The following RANBP17 variants were observed in gnomAD, a reference collection of about 807,000 sequenced individuals.
RANBP17 encodes ran-binding protein 17.
Under a neutral mutation model 141.2 loss-of-function variants are expected in RANBP17, and 158 were observed. The ratio of observed to expected loss-of-function variants is 1.12; its 90% CI spans 0.98 to 1.28. The LOEUF is 1.28. Ranked by LOEUF, RANBP17 falls within the 50% of genes most tolerant of loss-of-function variation. RANBP17 has a pLI of 0.00. For missense variants in RANBP17, 1,438 were observed against 1,290.7 expected (o/e 1.11, Z -1.75); for synonymous variants, 430 against 450.0 (o/e 0.96, Z 0.56).
chr5:171,231,850 A>G (rs1304793853), intron 22 of RANBP17, among the ~76,000 whole-genome samples: 3 of 152,228 alleles, frequency 2.0e-5, no homozygotes, highest in East Asian at 1.9e-4. Context: ...CTAATGATAG[A>G]GGACAGCTAA....
intron 14 of RANBP17, among the ~76,000 whole-genome samples, chr5:171,089,030 A>G (rs1352442693): frequency 6.6e-6 from 1 of 151,770 alleles, no homozygotes; most frequent in Non-Finnish European, 1.5e-5. Flanking sequence ...TTGGAGGAGG[A>G]GAGGTGCTCT....
intron 13 of RANBP17, among the ~76,000 whole-genome samples, chr5:170,964,575 G>C (rs1397423413): frequency 6.6e-6 from 1 of 152,066 alleles, no homozygotes; most frequent in Non-Finnish European, 1.5e-5. Context: ...AGTCCACAGA[G>C]TGTGATGTTC....
At chr5:171,176,554 A>C (rs1392105582) in intron 16 of RANBP17, among the ~76,000 whole-genome samples, 1 of 152,052 alleles carries the variant, frequency 6.6e-6, no homozygotes, top group Non-Finnish European at 1.5e-5. Flanking sequence ...CTGATTGCAA[A>C]CTTCCTTTTC....
chr5:171,051,171 T>G (rs951388975), intron 14 of RANBP17, among the ~76,000 whole-genome samples: 1 of 151,444 alleles, frequency 6.6e-6, no homozygotes, highest in Non-Finnish European at 1.5e-5. Context: ...TTTCTTTGTG[T>G]TTATCTTTCA....
chr5:171,082,477 A>G (rs1047880243), intron 14 of RANBP17, among the ~76,000 whole-genome samples: 4 of 152,150 alleles, frequency 2.6e-5, no homozygotes, highest in Non-Finnish European at 4.4e-5. Flanking sequence ...CAGAAGCTAT[A>G]ATCAATGTAT....
intron 14 of RANBP17, among the ~76,000 whole-genome samples, chr5:171,082,148 C>T (rs569695096): frequency 3.9e-5 from 6 of 152,194 alleles, no homozygotes; most frequent in African/African-American, 1.4e-4. Flanking sequence ...TTTGAATTGG[C>T]AATACTGTGT....
At chr5:171,254,109 T>A (rs1198324257) in intron 24 of RANBP17, among the ~76,000 whole-genome samples, 1 of 151,906 alleles carries the variant, frequency 6.6e-6, no homozygotes, top group African/African-American at 2.4e-5. Flanking sequence ...TAGCCGGGTG[T>A]GGTGGCATGC....
At chr5:170,881,263 G>C (rs1281247543) in intron 2 of RANBP17, among the ~76,000 whole-genome samples, 12 of 152,290 alleles carry the variant, frequency 7.9e-5, no homozygotes, top group Admixed American at 4.6e-4. Flanking sequence ...ATTTCTAGGA[G>C]GTGGAGTGAA....
At position 170,911,075 on chromosome 5, in the gene RANBP17, C is replaced by G. The variant is rs145328346; in HGVS notation, c.701C>G (p.Ser234Ter). The G allele has an allele frequency of 2.0e-5, 32 of 1,611,854 alleles. No individual in the cohort carries two copies. The highest frequency in any genetic ancestry group is 6.7e-5 in the African/African-American group (5 of 74,762). The stretch of plus-strand genomic sequence containing the variant: ...CTTAACTTTGACTTCATTGGCAGTT[C>G]AGCAGATGAATCTGCAGATGATCTT... Reference protein sequence around the residue: ...NCLNFDFIGSSADESADDLCT... With the variant: ...NCLNFDFIGS Residue 234 changes from serine (S) to a stop codon, truncating the protein, a stop_gained, in exon 7 of 28, where the codon TCA becomes TGA. Transcript: ENST00000523189. LOFTEE classifies it high-confidence loss of function.
chr5:170,930,055 C>T (rs1773221817), intron 12 of RANBP17, among the ~76,000 whole-genome samples: 1 of 151,908 alleles, frequency 6.6e-6, no homozygotes, highest in East Asian at 1.9e-4. Context: ...TTCTTTTGTT[C>T]TGAGTGACCC....
At chr5:171,108,664 T>C (rs763668539) in intron 14 of RANBP17, among the ~76,000 whole-genome samples, 40 of 152,236 alleles carry the variant, frequency 2.6e-4, no homozygotes, top group Non-Finnish European at 4.4e-4. Context: ...CACCCACCTC[T>C]GCTTCCAAAA....
intron 14 of RANBP17, among the ~76,000 whole-genome samples, chr5:171,060,949 G>A (rs1412212734): frequency 1.8e-4 from 14 of 79,036 alleles, no homozygotes; most frequent in South Asian, 1.1e-3. Context: ...GTTTATTTGC[G>A]TAGAGGTGTT....
At chr5:171,295,392 G>A (rs1311257110) in intron 26 of RANBP17, among the ~76,000 whole-genome samples, 1 of 152,044 alleles carries the variant, frequency 6.6e-6, no homozygotes, top group African/African-American at 2.4e-5. Flanking sequence ...TAACCCCCAA[G>A]GACAGAGACT....
At chr5:170,955,119 AC>A (rs1346962335) in intron 13 of RANBP17, among the ~76,000 whole-genome samples, 1 of 151,786 alleles carries the variant, frequency 6.6e-6, no homozygotes, top group Non-Finnish European at 1.5e-5. Context: ...ACCCCACACC[AC>A]CCCAAACCCC....
chr5:171,170,177 C>T lies in RANBP17; in HGVS notation c.1758C>T (p.His586=), dbSNP rs368740541. ...SEVLGITDDN[H]VLETFMTKIV... ...TCTTAGGAATAACAGATGACAACCA[C>T]GTTCTAGAGACGTTCATGACAAAAA... The change falls in exon 15 of 28, where the codon CAC becomes CAT. Residue 586 remains histidine (H), a synonymous_variant. Transcript: ENST00000523189. 3.5e-5 allele frequency: 56 copies of T among 1,579,514 alleles called. No homozygotes were observed. The African/African-American group carries it at 5.8e-4, about 16-fold the overall frequency.
chr5:171,035,535 G>GT lies in RANBP17; in HGVS notation c.1710+67167dup, dbSNP rs939869013. 1.2e-4 allele frequency among the ~76,000 whole-genome samples: 17 copies of GT among 143,904 alleles called. No individual in the cohort carries two copies. In the East Asian group the frequency reaches 1.5e-3, roughly 12 times the overall value. 94.4% of individuals were successfully genotyped at this position (143,904 alleles called of 152,430 possible). A position where few individuals can be genotyped will look rare whatever the true frequency, so the allele number is the denominator to read the frequency against. ...CATGTATCTTTTGTGGAGGTCTAGA[G>GT]TTTTTTTTTGTTTTGTTTTTTAGGG... On this transcript the variant is annotated intron_variant, in intron 14 of 27. Coordinates refer to ENST00000523189, the MANE Select transcript of RANBP17 (RefSeq NM_022897.5).
At chr5:171,010,303 G>T (rs1420168907) in intron 14 of RANBP17, among the ~76,000 whole-genome samples, 4 of 152,116 alleles carry the variant, frequency 2.6e-5, no homozygotes, top group African/African-American at 7.2e-5. Context: ...ACCTGAAATG[G>T]CCACACACAG....
chr5:171,011,066 C>G (rs1220640917), intron 14 of RANBP17, among the ~76,000 whole-genome samples: 1 of 152,020 alleles, frequency 6.6e-6, no homozygotes. Context: ...TGAGTCTAAT[C>G]TAACTAATAC....
intron 14 of RANBP17, among the ~76,000 whole-genome samples, chr5:171,060,565 C>A (rs1188018398): frequency 1.3e-5 from 2 of 152,064 alleles, no homozygotes; most frequent in African/African-American, 2.4e-5. Context: ...TTCGGTTTGT[C>A]AGTATTTTAT....
Sources: gnomAD v4.1 joint callset for allele counts (sites outside exome capture counted in the v4.1 genomes callset) on GRCh38, gnomAD v4.1.1 for gene constraint, MANE v1.5 for transcripts, NCBI Gene and HGNC (gene_info 2026-07-23, HGNC 2026-07-21) for gene names.